UBL3: variants seen among roughly 807,000 people sequenced by gnomAD.
The protein encoded by UBL3 is ubiquitin like 3.
UBL3 carries 6 observed loss-of-function variants against 18.4 expected under a neutral mutation model. That is an observed-to-expected ratio of 0.33 (90% confidence interval 0.18 to 0.64). The LOEUF (loss-of-function observed/expected upper bound fraction) is 0.64, where lower values mean the gene tolerates loss of function less well. Ranked by LOEUF, UBL3 falls within the 30% of genes least tolerant of loss-of-function variation. UBL3 has a pLI of 0.76. For missense variants in UBL3, 109 were observed against 142.9 expected (o/e 0.76, Z 1.21); for synonymous variants, 49 against 46.6 (o/e 1.05, Z -0.21).
intron 1 of UBL3, among the ~76,000 whole-genome samples, chr13:29,822,342 C>T (rs1301816825): frequency 1.3e-5 from 2 of 152,238 alleles, no homozygotes; most frequent in South Asian, 2.1e-4. Flanking sequence ...GGATAAAGTA[C>T]TGACTGGAGG....
At chr13:29,773,994 C>A (rs1336277160) in intron 2 of UBL3, among the ~76,000 whole-genome samples, 1 of 151,992 alleles carries the variant, frequency 6.6e-6, no homozygotes, top group Non-Finnish European at 1.5e-5. Flanking sequence ...TTATGTGATA[C>A]AATATAGACT....
chr13:29,806,621 G>A (rs781170783), intron 1 of UBL3, among the ~76,000 whole-genome samples: 37 of 152,184 alleles, frequency 2.4e-4, no homozygotes, highest in Non-Finnish European at 4.7e-4. Context: ...ACTGACCCCA[G>A]TCTAACACCT....
chr13:29,791,413 G>A lies in UBL3; in HGVS notation c.28-14150C>T, dbSNP rs540251270. 1.3e-3 allele frequency among the ~76,000 whole-genome samples: 202 copies of A among 152,238 alleles called. 1 individual carries two copies. Among genetic ancestry groups the A allele is most frequent in the African/African-American group, 4.4e-3 (183 of 41,524 alleles). On this transcript the variant is annotated intron_variant, in intron 1 of 4. Transcript: ENST00000380680. The stretch of plus-strand genomic sequence containing the variant: ...CTATAAGACAGGTACTGTTATCTCC[G>A]TTTTATAGATGGTAAACTGGGACAC...
intron 2 of UBL3, among the ~76,000 whole-genome samples, chr13:29,776,343 G>C (rs1321743684): frequency 7.1e-6 from 1 of 141,386 alleles, no homozygotes; most frequent in Non-Finnish European, 1.5e-5. Context: ...GCTCATGGCA[G>C]CCTCAAATTC....
Position 29,788,838 on chromosome 13 carries a change from A to AGTGT in UBL3, c.28-11579_28-11576dup, listed in dbSNP as rs58898742. Among the ~76,000 whole-genome samples the AGTGT allele has an allele frequency of 4.3e-3, 592 of 138,214 alleles. 4 individuals carry two copies. The highest frequency in any genetic ancestry group is 0.016 in the African/African-American group (572 of 36,796). 90.7% of individuals were successfully genotyped at this position (138,214 alleles called of 152,430 possible). On this transcript the variant is annotated intron_variant, in intron 1 of 4. Transcript: ENST00000380680. ...GAATGGAGGTAGGGCTTAATGGGGA[A>AGTGT]GTGTGTGTGTGTGTGTGTGTGTGTG...
At chr13:29,848,959 C>A (rs1879295696) in intron 1 of UBL3, among the ~76,000 whole-genome samples, 1 of 152,192 alleles carries the variant, frequency 6.6e-6, no homozygotes, top group African/African-American at 2.4e-5. Context: ...TTCTGAAAAT[C>A]CCAAAATATC....
At chr13:29,821,338 T>C (rs1288463154) in intron 1 of UBL3, among the ~76,000 whole-genome samples, 2 of 152,248 alleles carry the variant, frequency 1.3e-5, no homozygotes, top group Admixed American at 6.5e-5. Flanking sequence ...TCTTGTAATA[T>C]AGCAAAGCTG....
intron 1 of UBL3, among the ~76,000 whole-genome samples, chr13:29,847,287 C>T (rs1400831597): frequency 7.9e-5 from 12 of 152,198 alleles, no homozygotes; most frequent in Admixed American, 7.9e-4. Context: ...CAAACCTGTG[C>T]TGTACGTTAG....
At chr13:29,799,669 A>G (rs1877709848) in intron 1 of UBL3, among the ~76,000 whole-genome samples, 1 of 152,202 alleles carries the variant, frequency 6.6e-6, no homozygotes, top group Admixed American at 6.5e-5. Context: ...GAAGGGAAAA[A>G]AAGAGTCAAA....
At chr13:29,790,429 C>CA (rs1877452359) in intron 1 of UBL3, among the ~76,000 whole-genome samples, 1 of 152,124 alleles carries the variant, frequency 6.6e-6, no homozygotes, top group African/African-American at 2.4e-5. Flanking sequence ...ATGAAAACAT[C>CA]AAAAACCTTC....
At chr13:29,783,110 G>A (rs1486059815) in intron 1 of UBL3, among the ~76,000 whole-genome samples, 1 of 152,216 alleles carries the variant, frequency 6.6e-6, no homozygotes, top group Admixed American at 6.5e-5. Flanking sequence ...TGTAGAACAG[G>A]AATGGATAAT....
At position 29,767,571 on chromosome 13, in the gene UBL3, C is replaced by A. The variant is rs781429875; in HGVS notation, c.301+47G>T. 7 of 1,589,132 alleles carry A rather than the reference C, an allele frequency of 4.4e-6. No homozygotes were observed. In the Admixed American group the frequency reaches 8.6e-5, roughly 19 times the overall value. The stretch of plus-strand genomic sequence containing the variant: ...AAGAAAAACCTAGCATTTTTGAATG[C>A]CTGTCTTTGTGCCTCAACTGAGATA... On this transcript the variant is annotated intron_variant, in intron 4 of 4. Transcript: ENST00000380680.
chr13:29,813,721 G>A (rs1198589806), intron 1 of UBL3, among the ~76,000 whole-genome samples: 2 of 152,042 alleles, frequency 1.3e-5, no homozygotes, highest in Non-Finnish European at 2.9e-5. Context: ...AGCATCTGTG[G>A]ATTTTGGCAT....
intron 1 of UBL3, among the ~76,000 whole-genome samples, chr13:29,783,962 C>T (rs1282626438): frequency 6.6e-6 from 1 of 152,070 alleles, no homozygotes; most frequent in Admixed American, 6.5e-5. Context: ...TTAGATCATT[C>T]AAATGAATTA....
At chr13:29,839,628 A>C (rs1879043742) in intron 1 of UBL3, among the ~76,000 whole-genome samples, 1 of 152,130 alleles carries the variant, frequency 6.6e-6, no homozygotes, top group Non-Finnish European at 1.5e-5. Flanking sequence ...CCATCTCTTA[A>C]AAAGATTTTA....
Position 29,772,127 on chromosome 13 carries a change from T to TTCCATGTAGAAATCGTCC in UBL3, c.190_207dup (p.Gly64_Gly69dup). 1 of 1,611,656 alleles carries TTCCATGTAGAAATCGTCC rather than the reference T, an allele frequency of 6.2e-7. No homozygotes were observed. Among genetic ancestry groups the TTCCATGTAGAAATCGTCC allele is most frequent in the Non-Finnish European group, 8.5e-7 (1 of 1,178,454 alleles). ...TGGCTGTTACCTCCTAATGTGACAT[T>TTCCATGTAGAAATCGTCC]TCCATGTAGAAATCGTCCTTGATAA... is the stretch of plus-strand genomic sequence containing the variant. On this transcript the variant is annotated inframe_insertion, in exon 3 of 5. Coordinates refer to ENST00000380680, the MANE Select transcript of UBL3 (RefSeq NM_007106.4).
chr13:29,822,322 C>T lies in UBL3; in HGVS notation c.27+27190G>A, dbSNP rs147031192. Among the ~76,000 whole-genome samples the T allele has an allele frequency of 1.9e-3, 292 of 152,078 alleles. 1 individual carries two copies. The highest frequency in any genetic ancestry group is 6.7e-3 in the African/African-American group (276 of 41,492). ...CACATACCATATATGTATTTACAAA[C>T]CTAGCAATAGGATAAAGTACTGACT... On this transcript the variant is annotated intron_variant, in intron 1 of 4. Transcript: ENST00000380680.
In UBL3 at chr13:29,775,730, C is replaced by T. The variant is rs112635694; in HGVS notation, c.136+1425G>A. On this transcript the variant is annotated intron_variant, in intron 2 of 4. Transcript: ENST00000380680. ...TCTCGGGTTCAAGAGATTCTCCTGC[C>T]TCAGCCTCCTGAGTAGCTTGGATTA... 1.8e-3 allele frequency among the ~76,000 whole-genome samples: 268 copies of T among 152,240 alleles called. 1 individual carries two copies. The highest frequency in any genetic ancestry group is 6.2e-3 in the African/African-American group (257 of 41,530).
At chr13:29,848,945 A>G (rs191302743) in intron 1 of UBL3, among the ~76,000 whole-genome samples, 1 of 152,358 alleles carries the variant, frequency 6.6e-6, no homozygotes, top group Admixed American at 6.5e-5. Flanking sequence ...GGGTCAGCCT[A>G]CGTTTCTGAA....
Sources: gnomAD v4.1 joint callset for allele counts (sites outside exome capture counted in the v4.1 genomes callset) on GRCh38, gnomAD v4.1.1 for gene constraint, MANE v1.5 for transcripts, NCBI Gene and HGNC (gene_info 2026-07-23, HGNC 2026-07-21) for gene names.